The following TMCO6 variants were observed in gnomAD, a reference collection of about 807,000 sequenced individuals.
The protein encoded by TMCO6 is transmembrane and coiled-coil domains 6, also known as transmembrane and coiled-coil domain-containing protein 6.
TMCO6 carries 47 observed loss-of-function variants against 61.8 expected under a neutral mutation model. That is an observed-to-expected ratio of 0.76 (90% CI 0.60 to 0.97). The LOEUF is 0.97. Ranked by LOEUF, TMCO6 falls within the 50% of genes least tolerant of loss-of-function variation. The probability of loss-of-function intolerance (pLI) is 0.00; values close to 1 mark genes in which losing one functional copy is unlikely to be tolerated. For missense variants in TMCO6, 557 were observed against 601.6 expected (o/e 0.93, Z 0.78); for synonymous variants, 261 against 254.2 (o/e 1.03, Z -0.25).
At position 140,642,982 on chromosome 5, in the gene TMCO6, A is replaced by G. The variant is rs1430058315; in HGVS notation, c.747A>G (p.Pro249=). Residue 249 remains proline (P), a synonymous_variant, in exon 7 of 12, where the codon CCA becomes CCG. Coordinates refer to ENST00000394671, the MANE Select transcript of TMCO6 (RefSeq NM_018502.5). ...QHMLQMLQPG[P]KLNPGVAVEF... ...TGCTACAAATGTTGCAACCTGGCCC[A>G]AAGCTCAACCCTGGGGTCGCTGTGG... 1 of 1,614,168 alleles carries G rather than the reference A, an allele frequency of 6.2e-7. No individual in the cohort carries two copies. Among genetic ancestry groups the G allele is most frequent in the Non-Finnish European group, 8.5e-7 (1 of 1,180,028 alleles).
chr5:140,639,893 G>A, intron 2 of TMCO6, 42 bp downstream of exon 2: 1 of 1,536,092 alleles, frequency 6.5e-7, no homozygotes, highest in African/African-American at 1.4e-5. Flanking sequence ...CACGCCCGCT[G>A]GCGCCAGACT....
chr5:140,603,761 T>C, the TMCO6 span, among the ~76,000 whole-genome samples: 1 of 152,342 alleles, frequency 6.6e-6, no homozygotes, highest in South Asian at 2.1e-4. Context: ...ATTTGGGTTA[T>C]TTTCACCATT....
At chr5:140,606,433 T>G in the TMCO6 span, among the ~76,000 whole-genome samples, 1 of 152,220 alleles carries the variant, frequency 6.6e-6, no homozygotes, top group Non-Finnish European at 1.5e-5. Context: ...TTGTCAATTT[T>G]GTTGATCTTT....
the TMCO6 span, among the ~76,000 whole-genome samples, chr5:140,602,836 G>A: frequency 2.0e-5 from 3 of 151,892 alleles, no homozygotes; most frequent in Non-Finnish European, 4.4e-5. Flanking sequence ...ATGGCCATGC[G>A]TGGTGGCTCA....
At chr5:140,632,007 AGTGTCAG>A in the TMCO6 span, 1 of 1,614,110 alleles carries the variant, frequency 6.2e-7, no homozygotes, top group Non-Finnish European at 8.5e-7. The surrounding 1 kb of genome is among the most constrained non-coding windows in gnomAD (Gnocchi z 6.2). Flanking sequence ...ATTCCCGTCC[AGTGTCAG>A]GTTATCCACC....
downstream of TMCO6, chr5:140,645,565 C>T: frequency 1.2e-6 from 2 of 1,614,016 alleles, no homozygotes; most frequent in Non-Finnish European, 8.5e-7. Context: ...GGGGCTGTTG[C>T]TCTTAATCCT....
the TMCO6 span, among the ~76,000 whole-genome samples, chr5:140,622,253 C>T: frequency 4.1e-4 from 63 of 152,090 alleles, no homozygotes; most frequent in Admixed American, 2.2e-3. Context: ...TCAAGCTGGC[C>T]GACGCTTAAG....
At chr5:140,614,754 A>T in the TMCO6 span, among the ~76,000 whole-genome samples, 2 of 151,922 alleles carry the variant, frequency 1.3e-5, no homozygotes, top group Admixed American at 1.3e-4. Flanking sequence ...AGCTGGGACT[A>T]CAGGCGCCCG....
chr5:140,642,071 C>T lies in TMCO6; in HGVS notation c.498+18C>T, dbSNP rs758437758. 5.0e-6 allele frequency: 8 copies of T among 1,584,716 alleles called. No individual in the cohort carries two copies. In the Admixed American group the frequency reaches 5.2e-5, roughly 10 times the overall value. ...ACTTCATAGTAAGCCCTGTCCCTTC[C>T]TATCTTGTTCTTGGTTTAGATTTTA... On this transcript the variant is annotated intron_variant, in intron 4 of 11. Transcript: ENST00000394671.
At chr5:140,596,947 C>T in the TMCO6 span, among the ~76,000 whole-genome samples, 1 of 152,192 alleles carries the variant, frequency 6.6e-6, no homozygotes, top group South Asian at 2.1e-4. Flanking sequence ...TCTCACCAGC[C>T]TCAGATAAGT....
At position 140,639,799 on chromosome 5, in the gene TMCO6, C is replaced by G; in HGVS notation, c.146C>G (p.Ala49Gly). 6.2e-7 allele frequency: 1 copy of G among 1,609,864 alleles called. No individual in the cohort carries two copies. The highest frequency in any genetic ancestry group is 8.5e-7 in the Non-Finnish European group (1 of 1,178,660). The change falls in exon 2 of 12, where the codon GCC becomes GGC. Residue 49 changes from alanine to glycine, a missense_variant. Ala to Gly is a moderately conservative substitution (Grantham distance 60, BLOSUM62 0). Coordinates refer to ENST00000394671, the MANE Select transcript of TMCO6 (RefSeq NM_018502.5). ...AGCAAGAGGCTGCTGAGAAACGACGCCCCAGAGGAAGCTGGAGAGGGATGT... is the reference window on the plus strand; with the variant it reads ...AGCAAGAGGCTGCTGAGAAACGACGGCCCAGAGGAAGCTGGAGAGGGATGT... ...LVSKRLLRND[A>G]PEEAGEGCVA...
the TMCO6 span, among the ~76,000 whole-genome samples, chr5:140,627,867 G>A: frequency 1.3e-5 from 2 of 151,640 alleles, no homozygotes; most frequent in East Asian, 3.9e-4. Context: ...CTGCACTCCA[G>A]CCTGGGTGAC....
downstream of TMCO6, chr5:140,645,649 T>C: frequency 6.2e-7 from 1 of 1,614,190 alleles, no homozygotes; most frequent in South Asian, 1.1e-5. Context: ...CTGAAGTTGT[T>C]CAAAGGGACA....
chr5:140,632,536 G>A, the TMCO6 span: 2 of 1,614,064 alleles, frequency 1.2e-6, no homozygotes, highest in African/African-American at 1.3e-5. The surrounding 1 kb of genome is among the most constrained non-coding windows in gnomAD (Gnocchi z 6.2). Flanking sequence ...GACACGTTGC[G>A]TAGGCGCAAG....
chr5:140,643,966 G>T lies in TMCO6; in HGVS notation c.1105G>T (p.Ala369Ser), dbSNP rs774043690. 1 of 1,614,130 alleles carries T rather than the reference G, an allele frequency of 6.2e-7. No individual in the cohort carries two copies. Among genetic ancestry groups the T allele is most frequent in the Non-Finnish European group, 8.5e-7 (1 of 1,180,012 alleles). Reference sequence around the variant, plus strand: ...CCTTTGGCTCCTCAACAACCTCACTGGTACGCACCATAATCTGCCCAGGCC... The same window carrying T: ...CCTTTGGCTCCTCAACAACCTCACTTGTACGCACCATAATCTGCCCAGGCC... ...EGLWLLNNLT[A>S]NSPSFCTSLL... The change falls in exon 9 of 12, where the codon GCA becomes TCA. Residue 369 changes from alanine (A) to serine (S), a missense_variant and splice_region_variant. Transcript: ENST00000394671.
chr5:140,623,753 T>A, the TMCO6 span, among the ~76,000 whole-genome samples: 183 of 152,174 alleles, frequency 1.2e-3, no homozygotes, highest in South Asian at 4.6e-3. Flanking sequence ...TAAAACATTT[T>A]AAAAAAATAG....
At chr5:140,613,940 C>T in the TMCO6 span, among the ~76,000 whole-genome samples, 2 of 151,644 alleles carry the variant, frequency 1.3e-5, no homozygotes, top group Non-Finnish European at 2.9e-5. Context: ...ACTCTGTCGC[C>T]CAGGCTGGAG....
At chr5:140,644,455 T>A in intron 10 of TMCO6, 118 bp from the exon 11 acceptor site, 6 of 1,210,208 alleles carry the variant, frequency 5.0e-6, no homozygotes, top group Non-Finnish European at 7.1e-6. Flanking sequence ...TATGAGAACA[T>A]GTATGTAGAA....
chr5:140,646,704 G>C (rs1757421615), downstream of TMCO6, among the ~76,000 whole-genome samples: 1 of 152,124 alleles, frequency 6.6e-6, no homozygotes. Flanking sequence ...CTAGGAAGGG[G>C]AATAAATGTA....
Sources: allele counts gnomAD v4.1 joint callset (sites outside exome capture counted in the v4.1 genomes callset), GRCh38; gene constraint gnomAD v4.1.1; non-coding constraint Gnocchi (gnomAD v3.1); transcripts MANE v1.5; gene names NCBI Gene and HGNC (gene_info 2026-07-23, HGNC 2026-07-21).